NCOA3: variants seen among roughly 807,000 people sequenced by gnomAD.
NCOA3 encodes the protein CBP-interacting protein.
A neutral mutation model predicts 158.8 loss-of-function variants in NCOA3; 51 were observed. That is an observed-to-expected ratio of 0.32 (90% CI 0.26 to 0.41). The LOEUF (loss-of-function observed/expected upper bound fraction) is 0.41, where lower values mean the gene tolerates loss of function less well. Among genes scored for constraint, NCOA3 ranks in the 10% least tolerant of loss-of-function variants. NCOA3 has a pLI of 1.00. For synonymous variants in NCOA3, 537 were observed against 592.4 expected (o/e 0.91, Z 1.36); for missense variants, 1,510 against 1,746.6 (o/e 0.86, Z 2.41).
chr20:47,631,703 G>C (rs931083213), intron 8 of NCOA3, among the ~76,000 whole-genome samples: 27 of 152,132 alleles, frequency 1.8e-4, no homozygotes, highest in African/African-American at 6.5e-4. Context: ...ACTTTAAGTA[G>C]GTATTTTCTC....
chr20:47,515,203 G>C (rs1325478361), intron 1 of NCOA3, among the ~76,000 whole-genome samples: 1 of 149,106 alleles, frequency 6.7e-6, no homozygotes, highest in East Asian at 2.0e-4. Flanking sequence ...TCGCTCTGTT[G>C]CCCACCTGGA....
At chr20:47,507,811 G>C (rs1438037642) in intron 1 of NCOA3, among the ~76,000 whole-genome samples, 2 of 152,102 alleles carry the variant, frequency 1.3e-5, no homozygotes, top group Admixed American at 1.3e-4. Context: ...AGAGATGGCG[G>C]TTTCTCCATG....
At chr20:47,622,387 A>G in intron 3 of NCOA3, 57 bp downstream of exon 3, 1 of 1,159,346 alleles carries the variant, frequency 8.6e-7, no homozygotes, top group Non-Finnish European at 1.2e-6. Flanking sequence ...GTTTAAGGAT[A>G]ACATTTTAAC....
intron 16 of NCOA3, among the ~76,000 whole-genome samples, 159 bp downstream of exon 16, chr20:47,640,210 G>C (rs1444078544): frequency 2.0e-5 from 3 of 152,240 alleles, no homozygotes; most frequent in Non-Finnish European, 4.4e-5. Flanking sequence ...GTGTAAAAAT[G>C]AGGCTGAAGC....
intron 1 of NCOA3, among the ~76,000 whole-genome samples, chr20:47,581,777 G>A (rs999884865): frequency 2.0e-5 from 3 of 152,172 alleles, no homozygotes; most frequent in African/African-American, 7.2e-5. Flanking sequence ...TTCTTCAAGT[G>A]CAAAAGCCTG....
At chr20:47,586,434 G>C (rs1267491003) in intron 2 of NCOA3, among the ~76,000 whole-genome samples, 1 of 151,582 alleles carries the variant, frequency 6.6e-6, no homozygotes, top group African/African-American at 2.4e-5. Context: ...CATATGTTAT[G>C]CTTCTTTCCC....
At chr20:47,592,563 G>A (rs1194643795) in intron 2 of NCOA3, among the ~76,000 whole-genome samples, 3 of 152,164 alleles carry the variant, frequency 2.0e-5, no homozygotes, top group African/African-American at 7.2e-5. Flanking sequence ...CTTCAGAAAA[G>A]GTAACAGGTT....
intron 10 of NCOA3, 95 bp downstream of exon 10, chr20:47,634,290 CAA>C (rs1321588349): frequency 1.6e-6 from 2 of 1,246,428 alleles, no homozygotes; most frequent in East Asian, 2.4e-5. Context: ...TAAAATGAGA[CAA>C]AATTTAGGAA....
rs1602557582 is a variant in NCOA3, at chr20:47,655,246, TC to T, written c.*1832del. 1 of 152,170 alleles carries T rather than the reference TC, an allele frequency of 6.6e-6. No homozygotes were observed. Among genetic ancestry groups the T allele is most frequent in the Admixed American group, 6.5e-5 (1 of 15,272 alleles). The allele number at this position is 152,170 out of a possible 1,614,324, so 9.4% of individuals were successfully genotyped here. A position where few individuals can be genotyped will look rare whatever the true frequency, so the allele number is the denominator to read the frequency against. ...GAGGAAGGGAAAAATCAAGTTTAAT[TC>T]CCTTTATCTGGGTTAATTCATTTGG... On this transcript the variant is annotated 3_prime_UTR_variant, in exon 23 of 23. Transcript: ENST00000371998.
chr20:47,570,935 T>TACACAC lies in NCOA3; in HGVS notation c.-98-12247_-98-12246insCACACA, dbSNP rs1355297954. 6.1e-3 allele frequency among the ~76,000 whole-genome samples: 348 copies of TACACAC among 56,874 alleles called. 1 individual carries two copies. The highest frequency in any genetic ancestry group is 0.02 in the African/African-American group (320 of 15,684). 37.3% of individuals were successfully genotyped at this position (56,874 alleles called of 152,430 possible). ...CGTGCACCGTTAATGAGCAGTAATA[T>TACACAC]ATATACACACACACACACACACACA... is the stretch of plus-strand genomic sequence containing the variant. On this transcript the variant is annotated intron_variant, in intron 1 of 22. Coordinates refer to ENST00000371998, the MANE Select transcript of NCOA3 (RefSeq NM_181659.3).
Position 47,651,086 on chromosome 20 carries a change from G to C in NCOA3, c.3756G>C (p.Gln1252His), listed in dbSNP as rs147918555. 7.4e-5 allele frequency: 103 copies of C among 1,396,220 alleles called. No individual in the cohort carries two copies. The highest frequency in any genetic ancestry group is 9.2e-5 in the Non-Finnish European group (93 of 1,009,068). The allele number at this position is 1,396,220 out of a possible 1,614,324, so 86.5% of individuals were successfully genotyped here. The change falls in exon 20 of 23, where the codon CAG (glutamine) becomes CAC (histidine). Residue 1252 changes from glutamine (Q) to histidine (H), a missense_variant. Transcript: ENST00000371998. The part of the protein sequence containing the change: ...RVAMMMQQQQ[Q>H]QQQQQQQQQQ... ...CTATGATGATGCAGCAGCAGCAGCA[G>C]CAGCAACAGCAGCAGCAGCAGCAGC...
In NCOA3 at chr20:47,522,212, C is replaced by T. The variant is rs1216633001; in HGVS notation, c.-99+20193C>T. ...CCGCCTCACTGGTTCACGCCATTCTCCTGCCTCAGCCTCCGGAGTAGCCGG... is the reference window on the plus strand; with the variant it reads ...CCGCCTCACTGGTTCACGCCATTCTTCTGCCTCAGCCTCCGGAGTAGCCGG... On this transcript the variant is annotated intron_variant, in intron 1 of 22. Coordinates refer to ENST00000371998, the MANE Select transcript of NCOA3 (RefSeq NM_181659.3). Among the ~76,000 whole-genome samples, 6 of 148,174 alleles carry T rather than the reference C, an allele frequency of 4.0e-5. No homozygotes were observed. In the East Asian group the frequency reaches 9.9e-4, roughly 24 times the overall value.
chr20:47,592,810 G>T lies in NCOA3; in HGVS notation c.-20+9549G>T, dbSNP rs575898179. ...TTGAAGTTCTTCTCATTTAAAAAAC[G>T]GTTTTCAGTTGAAGAATTTAAGTAT... On this transcript the variant is annotated intron_variant, in intron 2 of 22. Coordinates refer to ENST00000371998, the MANE Select transcript of NCOA3 (RefSeq NM_181659.3). Among the ~76,000 whole-genome samples the T allele has an allele frequency of 5.9e-5, 9 of 152,202 alleles. No individual in the cohort carries two copies. In the South Asian group the frequency reaches 1.2e-3, roughly 21 times the overall value.
rs550436142 is a variant in NCOA3, at chr20:47,580,875, C to G, written c.-98-2308C>G. Among the ~76,000 whole-genome samples, 23 of 152,252 alleles carry G rather than the reference C, an allele frequency of 1.5e-4. 1 individual carries two copies. In the South Asian group the frequency reaches 4.8e-3, roughly 32 times the overall value. On this transcript the variant is annotated intron_variant, in intron 1 of 22. Coordinates refer to ENST00000371998, the MANE Select transcript of NCOA3 (RefSeq NM_181659.3). ...CAACACTTTGGGAGGCCGAGGCAGA[C>G]AGATCACTTGAGCTCAGGAGTTCAA...
At chr20:47,566,346 A>G (rs1162639996) in intron 1 of NCOA3, among the ~76,000 whole-genome samples, 2 of 152,168 alleles carry the variant, frequency 1.3e-5, no homozygotes, top group East Asian at 1.9e-4. Context: ...TTGATTAACT[A>G]TAATTAACAT....
Position 47,635,397 on chromosome 20 carries a change from T to C in NCOA3, c.1188T>C (p.Ser396=), listed in dbSNP as rs757559114. The C allele has an allele frequency of 3.1e-6, 5 of 1,614,024 alleles. No individual in the cohort carries two copies. The highest frequency in any genetic ancestry group is 4.2e-6 in the Non-Finnish European group (5 of 1,180,020). Residue 396 remains serine (S), a synonymous_variant, in exon 11 of 23, where the codon AGT becomes AGC. Coordinates refer to ENST00000371998, the MANE Select transcript of NCOA3 (RefSeq NM_181659.3). ...GIRPPMAGCN[S]SVGGMSMSPN... ...GACCACCTATGGCTGGATGCAACAGTTCGGTAGGCGGCATGAGTATGTCGC... is the reference window on the plus strand; with the variant it reads ...GACCACCTATGGCTGGATGCAACAGCTCGGTAGGCGGCATGAGTATGTCGC...
At chr20:47,600,216 C>T (rs886428663) in intron 2 of NCOA3, among the ~76,000 whole-genome samples, 1 of 148,794 alleles carries the variant, frequency 6.7e-6, no homozygotes, top group East Asian at 2.0e-4. Context: ...GCTGTGTTGC[C>T]CAGGCTGGAG....
At chr20:47,521,812 T>G (rs906240292) in intron 1 of NCOA3, among the ~76,000 whole-genome samples, 4 of 152,186 alleles carry the variant, frequency 2.6e-5, no homozygotes. Context: ...ATTATGGAGG[T>G]CTTGAAATCA....
At chr20:47,622,020 G>C (rs2086249464) in intron 2 of NCOA3, among the ~76,000 whole-genome samples, 1 of 152,052 alleles carries the variant, frequency 6.6e-6, no homozygotes, top group Non-Finnish European at 1.5e-5. Context: ...TTCTGTCTTG[G>C]AGTACATACG....
Sources: allele counts gnomAD v4.1 joint callset (sites outside exome capture counted in the v4.1 genomes callset), GRCh38; gene constraint gnomAD v4.1.1; transcripts MANE v1.5; gene names NCBI Gene and HGNC (gene_info 2026-07-23, HGNC 2026-07-21).